The following RGS6 variants were observed in gnomAD, a reference collection of about 807,000 sequenced individuals.
RGS6 encodes regulator of G protein signaling 6.
RGS6 carries 30 observed loss-of-function variants against 78.5 expected under a neutral mutation model. The ratio of observed to expected loss-of-function variants is 0.38; its 90% CI spans 0.29 to 0.52. The LOEUF is 0.52. Ranked by LOEUF, RGS6 falls within the 20% of genes least tolerant of loss-of-function variation. The pLI is 0.85. For synonymous variants in RGS6, 206 were observed against 206.0 expected, an observed-to-expected ratio of 1.00 and a Z score of 0.00; for missense variants, 495 against 609.7, an observed-to-expected ratio of 0.81 and a Z score of 1.98.
chr14:72,008,797 C>A (rs575381819), intron 2 of RGS6, among the ~76,000 whole-genome samples: 3 of 152,290 alleles, frequency 2.0e-5, no homozygotes, highest in East Asian at 3.9e-4. Flanking sequence ...GACAGTTTGA[C>A]TGTAACCTCA....
At chr14:72,125,821 C>CA (rs2096177060) in intron 2 of RGS6, among the ~76,000 whole-genome samples, 2 of 152,192 alleles carry the variant, frequency 1.3e-5, no homozygotes, top group East Asian at 3.9e-4. Context: ...AGTCAACCAA[C>CA]AGACATTCAT....
chr14:72,562,657 A>G lies in RGS6; in HGVS notation c.*190A>G. The G allele has an allele frequency of 6.5e-7, 1 of 1,536,086 alleles. No homozygotes were observed. Among genetic ancestry groups the G allele is most frequent in the Non-Finnish European group, 8.7e-7 (1 of 1,146,880 alleles). ...GGGAGACCAGAAAGAAAGAGTCCAC[A>G]GAGCCTGGGCTGGGCCCGGTGGAGG... On this transcript the variant is annotated 3_prime_UTR_variant, in exon 18 of 18. Coordinates refer to ENST00000553525, the MANE Select transcript of RGS6 (RefSeq NM_001204424.2).
intron 2 of RGS6, among the ~76,000 whole-genome samples, chr14:72,301,928 G>A (rs1485595022): frequency 6.6e-6 from 1 of 152,138 alleles, no homozygotes; most frequent in East Asian, 1.9e-4. Flanking sequence ...GAAGCACTGG[G>A]GGTGGGGACT....
At chr14:72,348,893 G>C (rs529579909) in intron 2 of RGS6, among the ~76,000 whole-genome samples, 1 of 152,202 alleles carries the variant, frequency 6.6e-6, no homozygotes, top group Non-Finnish European at 1.5e-5. Context: ...ATGGCCGGGC[G>C]TGGTGGCTCA....
chr14:72,188,549 A>G (rs902920096), intron 2 of RGS6, among the ~76,000 whole-genome samples: 1 of 152,116 alleles, frequency 6.6e-6, no homozygotes, highest in Non-Finnish European at 1.5e-5. Flanking sequence ...TAATCCCACT[A>G]TTGTACCTCA....
At chr14:71,967,425 C>T (rs1458987941) in intron 2 of RGS6, among the ~76,000 whole-genome samples, 1 of 152,088 alleles carries the variant, frequency 6.6e-6, no homozygotes, top group Non-Finnish European at 1.5e-5. Context: ...CTTTTGGCTA[C>T]AACCAAGAAC....
At chr14:72,484,991 C>A (rs1276032126) in intron 12 of RGS6, among the ~76,000 whole-genome samples, 1 of 131,684 alleles carries the variant, frequency 7.6e-6, no homozygotes, top group Non-Finnish European at 1.6e-5. Flanking sequence ...AGTATGTGAA[C>A]AAATAGCCAG....
intron 2 of RGS6, among the ~76,000 whole-genome samples, chr14:72,192,304 G>C (rs567335197): frequency 2.6e-5 from 4 of 152,132 alleles, no homozygotes; most frequent in Non-Finnish European, 5.9e-5. Flanking sequence ...AGGTTATATC[G>C]TTATCTCTGT....
At chr14:72,454,168 T>C (rs1485238044) in intron 3 of RGS6, among the ~76,000 whole-genome samples, 1 of 152,200 alleles carries the variant, frequency 6.6e-6, no homozygotes, top group Non-Finnish European at 1.5e-5. Flanking sequence ...TCAGCCCTTG[T>C]AATTGATGGT....
chr14:72,211,275 T>C (rs1025168082), intron 2 of RGS6, among the ~76,000 whole-genome samples: 1 of 152,198 alleles, frequency 6.6e-6, no homozygotes, highest in Admixed American at 6.5e-5. Flanking sequence ...AGGTCAACAG[T>C]GTCAGGTGCA....
intron 2 of RGS6, among the ~76,000 whole-genome samples, chr14:72,161,374 TTAAAGTATAATAATA>T (rs549245957): frequency 1.3e-5 from 2 of 152,194 alleles, no homozygotes; most frequent in East Asian, 3.9e-4. Context: ...TCCCAGAACT[TTAAAGTATAATAATA>T]AAAAAAAGCA....
At chr14:72,350,554 A>C (rs972869860) in intron 2 of RGS6, among the ~76,000 whole-genome samples, 3 of 152,110 alleles carry the variant, frequency 2.0e-5, no homozygotes, top group Non-Finnish European at 4.4e-5. Context: ...TAACTTCTGG[A>C]TTACACTATT....
intron 2 of RGS6, among the ~76,000 whole-genome samples, chr14:72,197,086 G>T (rs2040350997): frequency 6.6e-6 from 1 of 152,126 alleles, no homozygotes; most frequent in Non-Finnish European, 1.5e-5. Flanking sequence ...TTTCTTTTGA[G>T]ACGGAGTCTT....
chr14:72,422,422 T>C (rs1191568613), intron 3 of RGS6, among the ~76,000 whole-genome samples: 1 of 152,206 alleles, frequency 6.6e-6, no homozygotes, highest in East Asian at 1.9e-4. Context: ...TGAGATAGCT[T>C]AGTAATTTCT....
rs555163827 is a variant in RGS6 at position 72,202,412 on chromosome 14, A to C, written c.85-149683A>C. ...GCCCTCCAGATTCCCCTGTGGACCT[A>C]CTCTGAGTCCATTCTGCAAGGGGGC... On this transcript the variant is annotated intron_variant, in intron 2 of 17. Transcript: ENST00000553525. Among the ~76,000 whole-genome samples the C allele has an allele frequency of 5.3e-5, 8 of 152,136 alleles. No homozygotes were observed. In the South Asian group the frequency reaches 1.7e-3, roughly 32 times the overall value.
the RGS6 span, among the ~76,000 whole-genome samples, chr14:72,627,111 T>C: frequency 4.6e-5 from 7 of 152,082 alleles, no homozygotes; most frequent in African/African-American, 7.2e-5. Flanking sequence ...AGTTTGTCAG[T>C]TGTCTTTTGA....
intron 12 of RGS6, among the ~76,000 whole-genome samples, chr14:72,482,892 T>G (rs1030991463): frequency 1.3e-5 from 2 of 152,230 alleles, no homozygotes; most frequent in African/African-American, 4.8e-5. Flanking sequence ...ATAACCAAAT[T>G]GATTAGCTTT....
the RGS6 span, among the ~76,000 whole-genome samples, chr14:72,621,336 G>GCC: frequency 1.3e-4 from 19 of 151,974 alleles, no homozygotes; most frequent in African/African-American, 4.6e-4. Context: ...TTGTGATCTG[G>GCC]CCCCACCCCC....
At chr14:71,994,581 G>A (rs12885258) in intron 2 of RGS6, among the ~76,000 whole-genome samples, 23,540 of 151,876 alleles carry the variant, frequency 0.15, 2,234 homozygotes, top group Non-Finnish European at 0.21. Flanking sequence ...GTCTTTGAAC[G>A]TACTTTGAAA....
Sources: gnomAD v4.1 joint callset for allele counts (sites outside exome capture counted in the v4.1 genomes callset) on GRCh38, gnomAD v4.1.1 for gene constraint, MANE v1.5 for transcripts, NCBI Gene and HGNC (gene_info 2026-07-23, HGNC 2026-07-21) for gene names.